Variants in CCDC30 observed in about 807,000 individuals in gnomAD.
CCDC30 encodes coiled-coil domain-containing protein 30.
A neutral mutation model predicts 100.2 loss-of-function variants in CCDC30; 70 were observed. The observed-to-expected ratio is 0.70, with a 90% CI of 0.58 to 0.85. The LOEUF (loss-of-function observed/expected upper bound fraction) is 0.85, where lower values mean the gene tolerates loss of function less well. Among genes scored for constraint, CCDC30 ranks in the 40% least tolerant of loss-of-function variants. The pLI, the probability that CCDC30 is intolerant of heterozygous loss-of-function variation, is 0.00. For synonymous variants in CCDC30, 233 were observed against 269.5 expected (o/e 0.86, Z 1.33); for missense variants, 652 against 771.2 (o/e 0.85, Z 1.83).
In CCDC30 at chr1:42,629,100, T is replaced by C. The variant is rs112079163; in HGVS notation, c.1278-8137T>C. ...CAGTGTTATATTTTGTGGTTTTCTATGTATTTACTATTACCAGTGAGTCTT... is the reference window on the plus strand; with the variant it reads ...CAGTGTTATATTTTGTGGTTTTCTACGTATTTACTATTACCAGTGAGTCTT... On this transcript the variant is annotated intron_variant, in intron 11 of 16. Coordinates refer to ENST00000668663, the Ensembl canonical transcript of CCDC30. Among the ~76,000 whole-genome samples the C allele has an allele frequency of 6.1e-3, 925 of 152,342 alleles. 7 individuals are homozygous for C. The highest frequency in any genetic ancestry group is 0.021 in the African/African-American group (863 of 41,576).
At chr1:42,458,806 G>C (rs72950589), upstream of CCDC30, among the ~76,000 whole-genome samples, 1 of 152,188 alleles carries the variant, frequency 6.6e-6, no homozygotes, top group Non-Finnish European at 1.5e-5. Flanking sequence ...GGTACTAGGA[G>C]TTTTGGTCAA....
chr1:42,585,248 T>A (rs1310771546), intron 9 of CCDC30, among the ~76,000 whole-genome samples: 13 of 152,152 alleles, frequency 8.5e-5, no homozygotes. Context: ...TTCTTTCATT[T>A]TGATATTTAA....
exon 13 of CCDC30, chr1:42,642,522 T>G (rs751397315): frequency 1.7e-5 from 27 of 1,600,806 alleles, no homozygotes; most frequent in Non-Finnish European, 2.2e-5. Flanking sequence ...ACCCTGCTTC[T>G]AGAAAAAAGG....
chr1:42,577,611 T>TG (rs1346346685), intron 8 of CCDC30, among the ~76,000 whole-genome samples: 1 of 152,118 alleles, frequency 6.6e-6, no homozygotes, highest in Non-Finnish European at 1.5e-5. Context: ...TACGTGTTCA[T>TG]GGGGTACATA....
rs57107596 is a variant in CCDC30, at chr1:42,508,404, G to A, written c.456+9488G>A. Among the ~76,000 whole-genome samples, 1,392 of 152,202 alleles carry A rather than the reference G, an allele frequency of 9.1e-3. 15 individuals are homozygous for A. The highest frequency in any genetic ancestry group is 0.028 in the African/African-American group (1,156 of 41,520). ...GGGTGGGGATGTTTCCAAATCTTCCGGGTAGCCAACAGCATGCTTCTCTGA... is the reference window on the plus strand; with the variant it reads ...GGGTGGGGATGTTTCCAAATCTTCCAGGTAGCCAACAGCATGCTTCTCTGA... On this transcript the variant is annotated intron_variant, in intron 6 of 16. Transcript: ENST00000668663.
chr1:42,510,268 T>G (rs1429741326), intron 6 of CCDC30: 2 of 343,798 alleles, frequency 5.8e-6, no homozygotes, highest in African/African-American at 4.4e-5. Flanking sequence ...ATCTCCAAAT[T>G]TCTCTGCTGT....
intron 4 of CCDC30, among the ~76,000 whole-genome samples, chr1:42,493,895 T>G (rs980092612): frequency 4.6e-5 from 7 of 152,024 alleles, no homozygotes; most frequent in African/African-American, 1.7e-4. Flanking sequence ...TAAATCTATG[T>G]AAAGAGGCGG....
chr1:42,481,863 AT>A (rs1483220356), intron 2 of CCDC30, among the ~76,000 whole-genome samples: 1 of 152,186 alleles, frequency 6.6e-6, no homozygotes, highest in Non-Finnish European at 1.5e-5. Context: ...AGCTATCCAA[AT>A]TTTTAAGTGA....
At chr1:42,465,211 T>C (rs986713468) in intron 1 of CCDC30, among the ~76,000 whole-genome samples, 1 of 152,170 alleles carries the variant, frequency 6.6e-6, no homozygotes, top group African/African-American at 2.4e-5. Flanking sequence ...CTCTGGAGGC[T>C]GAGGTGGGAG....
intron 6 of CCDC30, among the ~76,000 whole-genome samples, chr1:42,563,623 G>A (rs1645542574): frequency 6.6e-6 from 1 of 152,186 alleles, no homozygotes; most frequent in African/African-American, 2.4e-5. Context: ...GCTCACGCCT[G>A]TAATCCCAGC....
chr1:42,603,772 T>C (rs1461805554), intron 10 of CCDC30, among the ~76,000 whole-genome samples: 1 of 152,226 alleles, frequency 6.6e-6, no homozygotes, highest in African/African-American at 2.4e-5. Context: ...ACCATGCTCC[T>C]TGGTATTTAC....
rs1646297309 is a variant in CCDC30 at position 42,596,760 on chromosome 1, A to C, written c.1164+7277A>C. On this transcript the variant is annotated intron_variant, in intron 10 of 16. Transcript: ENST00000668663. The surrounding 1 kb of genome is among the most constrained non-coding windows in gnomAD (Gnocchi z 4.3). ...AAAAAAACAAACAAACAAACAAACA[A>C]AAACAGTTTGAACAGACAGAGCAAG... 6.6e-6 allele frequency among the ~76,000 whole-genome samples: 1 copy of C among 151,858 alleles called. No homozygotes were observed. The highest frequency in any genetic ancestry group is 1.5e-5 in the Non-Finnish European group (1 of 67,972).
intron 16 of CCDC30, 75 bp from the exon 21 acceptor site, chr1:42,653,741 TGC>T: frequency 9.7e-7 from 1 of 1,026,964 alleles, no homozygotes; most frequent in South Asian, 1.5e-5. Flanking sequence ...ATTCTATCAA[TGC>T]CTGTATCCCT....
intron 1 of CCDC30, among the ~76,000 whole-genome samples, chr1:42,474,483 T>G (rs1643860308): frequency 6.6e-6 from 1 of 152,216 alleles, no homozygotes; most frequent in South Asian, 2.1e-4. Flanking sequence ...AAACGAAAGT[T>G]TGCCAGGAAG....
intron 10 of CCDC30, 78 bp downstream of exon 14, chr1:42,589,561 C>A: frequency 7.9e-7 from 1 of 1,266,604 alleles, no homozygotes; most frequent in Non-Finnish European, 1.1e-6. Context: ...GTGCCTAGCA[C>A]TTTACTAAAC....
chr1:42,536,476 A>G, intron 6 of CCDC30: 1 of 1,592,516 alleles, frequency 6.3e-7, no homozygotes, highest in East Asian at 2.2e-5. Context: ...CTTTTTACAG[A>G]TCCTGAAAAT....
Position 42,574,769 on chromosome 1 carries a change from A to G in CCDC30, c.637-2251A>G, listed in dbSNP as rs1645799294. Among the ~76,000 whole-genome samples the G allele has an allele frequency of 2.0e-5, 3 of 152,326 alleles. No individual in the cohort carries two copies. In the South Asian group the frequency reaches 6.2e-4, roughly 32 times the overall value. On this transcript the variant is annotated intron_variant, in intron 7 of 16. Coordinates refer to ENST00000668663, the Ensembl canonical transcript of CCDC30. ...ATCTCTAAAATGGGCTAAAATACCA[A>G]TCCCAGCCACTTCATAGATGTGAAA...
chr1:42,598,343 C>A (rs1646333937), intron 10 of CCDC30, among the ~76,000 whole-genome samples: 1 of 151,338 alleles, frequency 6.6e-6, no homozygotes, highest in African/African-American at 2.4e-5. Flanking sequence ...ATAGTGATAA[C>A]CTTATCTCTA....
intron 6 of CCDC30, 177 bp downstream of exon 7, chr1:42,536,778 G>T (rs369104754): frequency 3.7e-6 from 2 of 534,854 alleles, no homozygotes; most frequent in African/African-American, 3.9e-5. Flanking sequence ...TGGAGGAGGG[G>T]AAGTCCAAGA....
Sources: gnomAD v4.1 joint callset for allele counts (sites outside exome capture counted in the v4.1 genomes callset) on GRCh38, gnomAD v4.1.1 for gene constraint, Gnocchi (gnomAD v3.1) non-coding constraint, MANE v1.5 for transcripts, NCBI Gene and HGNC (gene_info 2026-07-23, HGNC 2026-07-21) for gene names.